The following GSDMA variants were observed in gnomAD, a reference collection of about 807,000 sequenced individuals.
The protein encoded by GSDMA is gasdermin A, also known as gasdermin-A.
Under a neutral mutation model 54.3 loss-of-function variants are expected in GSDMA, and 55 were observed. That is an observed-to-expected ratio of 1.01 (90% CI 0.82 to 1.27). GSDMA has a LOEUF of 1.27. GSDMA is among the 50% of genes most tolerant of loss of function. The pLI is 0.00. For synonymous variants in GSDMA, 211 were observed against 224.7 expected (o/e 0.94, Z 0.54); for missense variants, 542 against 542.6 (o/e 1.00, Z 0.01).
At chr17:39,973,632 G>A (rs559800398) in intron 7 of GSDMA, among the ~76,000 whole-genome samples, 178 bp from the exon 8 acceptor site, 1 of 151,810 alleles carries the variant, frequency 6.6e-6, no homozygotes, top group Non-Finnish European at 1.5e-5. Context: ...CAACTCGGCC[G>A]CCCAGCAACT....
At chr17:39,969,487 A>G (rs1306359918) in intron 3 of GSDMA, among the ~76,000 whole-genome samples, 5 of 152,204 alleles carry the variant, frequency 3.3e-5, no homozygotes, top group South Asian at 2.1e-4. Context: ...TGAGGTGCAG[A>G]CAGAATGGAT....
chr17:39,973,006 T>C (rs1438496341), intron 7 of GSDMA, among the ~76,000 whole-genome samples: 2 of 152,096 alleles, frequency 1.3e-5, no homozygotes, highest in African/African-American at 4.8e-5. Flanking sequence ...AGTTTCACTC[T>C]TGTTGCCCAG....
intron 6 of GSDMA, 67 bp from the exon 7 acceptor site, chr17:39,972,520 G>A: frequency 1.4e-6 from 2 of 1,455,700 alleles, no homozygotes; most frequent in Non-Finnish European, 1.9e-6. Flanking sequence ...CTGCCTTGAA[G>A]ACTGTTTTAG....
chr17:39,965,577 C>G, intron 1 of GSDMA, 106 bp from the exon 2 acceptor site: 1 of 761,616 alleles, frequency 1.3e-6, no homozygotes, highest in Non-Finnish European at 2.2e-6. Context: ...GCTCCTCCTG[C>G]CTCAGAGCCG....
chr17:39,977,190 A>G lies in GSDMA; in HGVS notation c.*132A>G. 9.7e-7 allele frequency: 1 copy of G among 1,033,284 alleles called. No individual in the cohort carries two copies. The highest frequency in any genetic ancestry group is 1.4e-6 in the Non-Finnish European group (1 of 701,578). The allele number at this position is 1,033,284 out of a possible 1,614,324, so 64.0% of individuals were successfully genotyped here. ...AAATCTCAGCTGGTCACCCATGATA[A>G]CCAACTTCCACCTGCCCAACCATAT... is the stretch of plus-strand genomic sequence containing the variant. On this transcript the variant is annotated 3_prime_UTR_variant, in exon 12 of 12. Coordinates refer to ENST00000301659, the MANE Select transcript of GSDMA (RefSeq NM_178171.5).
rs79310476 is a variant in GSDMA, at chr17:39,974,493, C to A, written c.906+66C>A. ...TGTTTTGGTGAAGATTTGGTGGGGGCGGGTATTGCAGCAGGTAGGGAGATC... is the reference window on the plus strand; with the variant it reads ...TGTTTTGGTGAAGATTTGGTGGGGGAGGGTATTGCAGCAGGTAGGGAGATC... On this transcript the variant is annotated intron_variant, in intron 9 of 11. Transcript: ENST00000301659. 4.2e-3 allele frequency: 3,882 copies of A among 929,536 alleles called. 22 individuals carry two copies. Among genetic ancestry groups the A allele is most frequent in the Middle Eastern group, 0.041 (128 of 3,142 alleles). 57.6% of individuals were successfully genotyped at this position (929,536 alleles called of 1,614,324 possible).
chr17:39,972,020 G>A (rs916839067), intron 5 of GSDMA, 109 bp from the exon 6 acceptor site: 4 of 666,148 alleles, frequency 6.0e-6, no homozygotes, highest in Non-Finnish European at 7.9e-6. Flanking sequence ...TGAAGCATTT[G>A]GGGTGCAAGG....
chr17:39,965,614 C>A, intron 1 of GSDMA, 69 bp from the exon 2 acceptor site: 1 of 1,163,466 alleles, frequency 8.6e-7, no homozygotes, highest in Non-Finnish European at 1.3e-6. Context: ...AGGGGCCCAG[C>A]CTATATCCCG....
chr17:39,965,300 AAG>A (rs901659436), intron 1 of GSDMA, among the ~76,000 whole-genome samples: 14 of 117,084 alleles, frequency 1.2e-4, no homozygotes, highest in African/African-American at 2.1e-4. Context: ...GAAAGAAAGA[AAG>A]AGAAATAAAT....
In GSDMA at chr17:39,970,510, A is replaced by C; in HGVS notation, c.421A>C (p.Lys141Gln). 6.3e-7 allele frequency: 1 copy of C among 1,587,800 alleles called. No individual in the cohort carries two copies. Among genetic ancestry groups the C allele is most frequent in the Middle Eastern group, 1.7e-4 (1 of 5,972 alleles). ...GCTGGCAGCAGACCACCCATTCCTG[A>C]AGGAGATGCAAGATCAAGGGGAGAA... ...RKLAADHPFLKEMQDQGENLY... is the reference protein window; with the variant it reads ...RKLAADHPFLQEMQDQGENLY... Residue 141 changes from lysine (K) to glutamine (Q), a missense_variant, in exon 4 of 12, where the codon AAG becomes CAG. By Grantham distance (53) the Lys-to-Gln change is moderately conservative. Transcript: ENST00000301659.
At chr17:39,964,032 A>T (rs763712683) in intron 1 of GSDMA, among the ~76,000 whole-genome samples, 13 of 152,156 alleles carry the variant, frequency 8.5e-5, no homozygotes, top group Non-Finnish European at 1.8e-4. Flanking sequence ...ACTAAGACCC[A>T]TTTCCTGCCC....
chr17:39,971,485 A>G, intron 4 of GSDMA, 39 bp from the exon 5 acceptor site: 1 of 1,509,500 alleles, frequency 6.6e-7, no homozygotes, highest in African/African-American at 1.4e-5. Flanking sequence ...CATACTTAAG[A>G]TGTCCAGAGA....
intron 11 of GSDMA, among the ~76,000 whole-genome samples, chr17:39,976,392 C>T (rs1980202373): frequency 6.6e-6 from 1 of 151,972 alleles, no homozygotes. Flanking sequence ...GATTCTCCTG[C>T]CTCAGCCTCC....
At chr17:39,970,443 G>A (rs760792630) in intron 3 of GSDMA, 39 bp from the exon 4 acceptor site, 52 of 1,499,276 alleles carry the variant, frequency 3.5e-5, no homozygotes, top group Non-Finnish European at 4.6e-5. Context: ...CAGGCAGGAA[G>A]GAGCTCTGAA....
Position 39,970,663 on chromosome 17 carries a change from AC to A in GSDMA, c.558+17del, listed in dbSNP as rs1555656783. 1 of 81,750 alleles carries A rather than the reference AC, an allele frequency of 1.2e-5. No individual in the cohort carries two copies. Among genetic ancestry groups the A allele is most frequent in the Non-Finnish European group, 1.7e-5 (1 of 58,490 alleles). The allele number at this position is 81,750 out of a possible 1,614,324, so 5.1% of individuals were successfully genotyped here. On this transcript the variant is annotated intron_variant, in intron 4 of 11. Transcript: ENST00000301659. ...GGGGCTACAGGTTTGATTCAAACAC[AC>A]ACACACACACACACACACACTCTCA... is the stretch of plus-strand genomic sequence containing the variant.
chr17:39,965,868 C>T lies in GSDMA; in HGVS notation c.181C>T (p.Leu61=), dbSNP rs371824427. The T allele has an allele frequency of 1.3e-4, 196 of 1,559,574 alleles. 1 individual carries two copies. Among genetic ancestry groups the T allele is most frequent in the Non-Finnish European group, 1.3e-4 (147 of 1,152,046 alleles). The stretch of plus-strand genomic sequence containing the variant: ...GTACGTCCGCACCGACTACACGCTG[C>T]TGGATGTGCTTGAGCCCGGCAGCTC... ...ARYVRTDYTL[L]DVLEPGSSPS... Residue 61 remains leucine, a synonymous_variant, in exon 2 of 12, where the codon CTG becomes TTG. Coordinates refer to ENST00000301659, the MANE Select transcript of GSDMA (RefSeq NM_178171.5).
intron 5 of GSDMA, among the ~76,000 whole-genome samples, chr17:39,971,855 A>T (rs1218913414): frequency 6.6e-6 from 1 of 152,142 alleles, no homozygotes; most frequent in Non-Finnish European, 1.5e-5. Flanking sequence ...TACAAATATG[A>T]ACATGCACTG....
chr17:39,965,086 C>T (rs973434012), intron 1 of GSDMA, among the ~76,000 whole-genome samples: 2 of 151,668 alleles, frequency 1.3e-5, no homozygotes, highest in African/African-American at 4.8e-5. Flanking sequence ...CGCCACTGCA[C>T]TCCAACCTGG....
intron 10 of GSDMA, 118 bp downstream of exon 10, chr17:39,975,132 T>C: frequency 1.5e-6 from 1 of 683,648 alleles, no homozygotes; most frequent in Admixed American, 2.4e-5. Context: ...CACAGTTAAG[T>C]AGTTTATATC....
Sources: allele counts gnomAD v4.1 joint callset (sites outside exome capture counted in the v4.1 genomes callset), GRCh38; gene constraint gnomAD v4.1.1; transcripts MANE v1.5; gene names NCBI Gene and HGNC (gene_info 2026-07-23, HGNC 2026-07-21).